The following OSBPL6 variants were observed in gnomAD, a reference collection of about 807,000 sequenced individuals.
OSBPL6 encodes oxysterol binding protein like 6.
A neutral mutation model predicts 125.8 loss-of-function variants in OSBPL6; 49 were observed. That is an observed-to-expected ratio of 0.39 (90% CI 0.31 to 0.49). The LOEUF is 0.49. Ranked by LOEUF, OSBPL6 falls within the 20% of genes least tolerant of loss-of-function variation. OSBPL6 has a pLI of 0.88. For synonymous variants in OSBPL6, 394 were observed against 391.8 expected, an observed-to-expected ratio of 1.01 and a Z score of -0.07; for missense variants, 986 against 1,135.4, an observed-to-expected ratio of 0.87 and a Z score of 1.89.
intron 1 of OSBPL6, among the ~76,000 whole-genome samples, chr2:178,218,152 A>G (rs926687682): frequency 6.6e-6 from 1 of 152,182 alleles, no homozygotes; most frequent in Non-Finnish European, 1.5e-5. Context: ...TTCTTTGACC[A>G]GAATAGGATA....
intron 1 of OSBPL6, among the ~76,000 whole-genome samples, chr2:178,244,774 A>G (rs555529879): frequency 2.6e-5 from 4 of 152,322 alleles, no homozygotes; most frequent in Admixed American, 2.6e-4. Flanking sequence ...CTTCAAATGG[A>G]AAAAAGCACT....
chr2:178,228,763 C>T (rs2090686418), intron 1 of OSBPL6, among the ~76,000 whole-genome samples: 2 of 152,080 alleles, frequency 1.3e-5, no homozygotes, highest in Non-Finnish European at 2.9e-5. Flanking sequence ...ACATTTACAG[C>T]ACATCTGAAC....
chr2:178,353,398 T>C (rs983743382), intron 12 of OSBPL6, among the ~76,000 whole-genome samples: 3 of 152,138 alleles, frequency 2.0e-5, no homozygotes, highest in African/African-American at 7.2e-5. Context: ...GGAGAGGACC[T>C]TAAATGACCT....
Position 178,333,056 on chromosome 2 carries a change from T to C in OSBPL6, c.657+15T>C, listed in dbSNP as rs1487615733. 1 of 1,611,080 alleles carries C rather than the reference T, an allele frequency of 6.2e-7. No individual in the cohort carries two copies. The highest frequency in any genetic ancestry group is 8.5e-7 in the Non-Finnish European group (1 of 1,178,474). On this transcript the variant is annotated intron_variant, in intron 8 of 24. Transcript: ENST00000190611. ...TGGATGGAAAGGTATGACTTTGTTCTATAAAAACCAGCCTGAAAATTGCTT... is the reference window on the plus strand; with the variant it reads ...TGGATGGAAAGGTATGACTTTGTTCCATAAAAACCAGCCTGAAAATTGCTT...
intron 3 of OSBPL6, among the ~76,000 whole-genome samples, chr2:178,312,740 G>T (rs548544744): frequency 6.6e-6 from 1 of 152,158 alleles, no homozygotes; most frequent in South Asian, 2.1e-4. Context: ...TCAGGCATGA[G>T]CCACCACACC....
chr2:178,238,099 G>C lies in OSBPL6; in HGVS notation c.-351+43425G>C, dbSNP rs149591057. 5.9e-3 allele frequency among the ~76,000 whole-genome samples: 893 copies of C among 152,140 alleles called. 10 individuals are homozygous for C. The highest frequency in any genetic ancestry group is 0.021 in the African/African-American group (854 of 41,478). On this transcript the variant is annotated intron_variant, in intron 1 of 24. Transcript: ENST00000190611. ...GGTATTCATCTCATGTATTCTTTTG[G>C]GGTCAGCTCCTATCTCCCTGACTGC...
chr2:178,365,049 G>A (rs572463962), intron 13 of OSBPL6, among the ~76,000 whole-genome samples: 2 of 152,108 alleles, frequency 1.3e-5, no homozygotes, highest in Non-Finnish European at 2.9e-5. Flanking sequence ...GGTGGCGGGC[G>A]CCTATAATCC....
intron 1 of OSBPL6, among the ~76,000 whole-genome samples, chr2:178,218,657 T>G (rs2090195384): frequency 6.9e-6 from 1 of 145,032 alleles, no homozygotes; most frequent in African/African-American, 2.6e-5. Context: ...TCTGATGGAG[T>G]CTTGCTCTGT....
intron 1 of OSBPL6, among the ~76,000 whole-genome samples, chr2:178,227,907 T>G (rs951180179): frequency 2.0e-5 from 3 of 152,196 alleles, no homozygotes; most frequent in Admixed American, 6.5e-5. Context: ...CAACGTTTAA[T>G]TTTTGTGTTT....
At chr2:178,300,468 C>T (rs959713373) in intron 2 of OSBPL6, among the ~76,000 whole-genome samples, 12 of 152,286 alleles carry the variant, frequency 7.9e-5, no homozygotes, top group Admixed American at 2.0e-4. Flanking sequence ...CTGTTTACAG[C>T]GGGGGCAGCG....
At position 178,223,100 on chromosome 2, in the gene OSBPL6, C is replaced by T. The variant is rs1043738797; in HGVS notation, c.-351+28426C>T. ...ACATCTTTGTACACAGGAGTATGTA[C>T]TTGCTTGATTTTATGCTTAAAATAG... On this transcript the variant is annotated intron_variant, in intron 1 of 24. Transcript: ENST00000190611. 7.2e-5 allele frequency among the ~76,000 whole-genome samples: 11 copies of T among 152,142 alleles called. No homozygotes were observed. In the South Asian group the frequency reaches 1.2e-3, roughly 17 times the overall value.
chr2:178,305,295 A>C (rs1264630564), intron 2 of OSBPL6, among the ~76,000 whole-genome samples: 1 of 152,220 alleles, frequency 6.6e-6, no homozygotes, highest in African/African-American at 2.4e-5. Flanking sequence ...AGACAAGGCC[A>C]ATTTAAGAGC....
At chr2:178,350,778 T>A (rs796799466) in intron 12 of OSBPL6, among the ~76,000 whole-genome samples, 67 of 152,210 alleles carry the variant, frequency 4.4e-4, no homozygotes, top group African/African-American at 1.5e-3. Context: ...GGGAAGGAGG[T>A]GCAAAAGGTA....
At chr2:178,297,736 T>C (rs1323468205) in intron 2 of OSBPL6, among the ~76,000 whole-genome samples, 1 of 152,216 alleles carries the variant, frequency 6.6e-6, no homozygotes, top group African/African-American at 2.4e-5. Flanking sequence ...CAATTCTGTC[T>C]AATAGGTTGG....
At chr2:178,373,467 C>T (rs926089606) in intron 14 of OSBPL6, among the ~76,000 whole-genome samples, 50 of 152,052 alleles carry the variant, frequency 3.3e-4, no homozygotes, top group African/African-American at 1.1e-3. Flanking sequence ...TGGAAAGTGA[C>T]GTATATAGTC....
At chr2:178,285,636 T>C (rs1242543351) in intron 2 of OSBPL6, among the ~76,000 whole-genome samples, 2 of 152,248 alleles carry the variant, frequency 1.3e-5, no homozygotes, top group Non-Finnish European at 2.9e-5. Flanking sequence ...CCTTGTCATC[T>C]TTGATATTTG....
At chr2:178,224,823 T>G (rs961868646) in intron 1 of OSBPL6, among the ~76,000 whole-genome samples, 4 of 152,194 alleles carry the variant, frequency 2.6e-5, no homozygotes, top group African/African-American at 9.7e-5. Flanking sequence ...TAGTCCCAGC[T>G]ACTCAGGGGG....
Position 178,396,685 on chromosome 2 carries a change from A to G in OSBPL6, c.*1126A>G, listed in dbSNP as rs748134330. On this transcript the variant is annotated 3_prime_UTR_variant, in exon 25 of 25. Transcript: ENST00000190611. ...GTTTAAATGAATTCTATGCAAAATC[A>G]TATTTCAAATTTTCATCAAGTGATT... is the stretch of plus-strand genomic sequence containing the variant. 5 of 152,228 alleles carry G rather than the reference A, an allele frequency of 3.3e-5. No homozygotes were observed. The highest frequency in any genetic ancestry group is 9.6e-5 in the African/African-American group (4 of 41,472). 9.4% of individuals were successfully genotyped at this position (152,228 alleles called of 1,614,324 possible).
intron 16 of OSBPL6, 196 bp downstream of exon 16, chr2:178,382,703 T>C: frequency 2.1e-6 from 3 of 1,453,838 alleles, no homozygotes; most frequent in Non-Finnish European, 2.7e-6. Context: ...AGGTAAATAG[T>C]TAAGAGAAAA....
Sources: allele counts gnomAD v4.1 joint callset (sites outside exome capture counted in the v4.1 genomes callset), GRCh38; gene constraint gnomAD v4.1.1; transcripts MANE v1.5; gene names NCBI Gene and HGNC (gene_info 2026-07-23, HGNC 2026-07-21).